SV2B: variants seen among roughly 807,000 people sequenced by gnomAD.
SV2B encodes synaptic vesicle glycoprotein 2B.
A neutral mutation model predicts 73.9 loss-of-function variants in SV2B; 41 were observed. The ratio of observed to expected loss-of-function variants is 0.56; its 90% CI spans 0.43 to 0.72. The LOEUF (loss-of-function observed/expected upper bound fraction) is 0.72. SV2B is among the 30% of genes least tolerant of loss of function. The pLI, the probability that SV2B is intolerant of heterozygous loss-of-function variation, is 0.00. For missense variants in SV2B, 764 were observed against 857.8 expected (o/e 0.89, Z 1.37); for synonymous variants, 314 against 314.2 (o/e 1.00, Z 0.01).
chr15:91,125,007 G>A (rs1297828766), intron 1 of SV2B, among the ~76,000 whole-genome samples: 1 of 152,286 alleles, frequency 6.6e-6, no homozygotes, highest in Non-Finnish European at 1.5e-5. Flanking sequence ...TCAGGGTGTG[G>A]TCAGTGTTGG....
At chr15:91,218,297 A>G (rs1050061462) in intron 1 of SV2B, among the ~76,000 whole-genome samples, 1 of 152,150 alleles carries the variant, frequency 6.6e-6, no homozygotes, top group African/African-American at 2.4e-5. Flanking sequence ...GTGTCTTCAG[A>G]GATAAGGATA....
At chr15:91,165,946 T>G (rs2043897339) in intron 1 of SV2B, among the ~76,000 whole-genome samples, 1 of 152,256 alleles carries the variant, frequency 6.6e-6, no homozygotes, top group Non-Finnish European at 1.5e-5. Context: ...TAAATATCTT[T>G]ATTTTGCCTT....
At chr15:91,180,094 A>G (rs2044489502) in intron 1 of SV2B, among the ~76,000 whole-genome samples, 1 of 151,960 alleles carries the variant, frequency 6.6e-6, no homozygotes, top group Non-Finnish European at 1.5e-5. Context: ...CCTGGTGGTG[A>G]CAAAATCTCT....
rs113788767 is a variant in SV2B, at chr15:91,281,050, C to T, written c.1374-678C>T. ...TACATGGTATTCCATTATATGGCATCTATTACATATGTATGTATGTAGTAA... is the reference window on the plus strand; with the variant it reads ...TACATGGTATTCCATTATATGGCATTTATTACATATGTATGTATGTAGTAA... On this transcript the variant is annotated intron_variant, in intron 9 of 12. Transcript: ENST00000394232. This position sits in a 1 kb window ranked among gnomAD's most constrained non-coding sequence, Gnocchi z 4.7. 7.9e-5 allele frequency among the ~76,000 whole-genome samples: 12 copies of T among 152,286 alleles called. No homozygotes were observed. Among genetic ancestry groups the T allele is most frequent in the African/African-American group, 2.9e-4 (12 of 41,558 alleles).
rs771212775 is a variant in SV2B, at chr15:91,267,165, G to A, written c.1120-390G>A. On this transcript the variant is annotated intron_variant, in intron 7 of 12. Coordinates refer to ENST00000394232, the MANE Select transcript of SV2B (RefSeq NM_001323032.3). This position sits in a 1 kb window ranked among gnomAD's most constrained non-coding sequence, Gnocchi z 4.3. ...GCACTGAGGCAGCCAGACAGCCAGC[G>A]TCTATTGGGACTGGTTGGCCTTCAT... Among the ~76,000 whole-genome samples the A allele has an allele frequency of 1.8e-4, 28 of 152,206 alleles. No individual in the cohort carries two copies. Among genetic ancestry groups the A allele is most frequent in the East Asian group, 3.9e-4 (2 of 5,194 alleles).
Position 91,227,384 on chromosome 15 carries a change from G to C in SV2B, c.451+670G>C, listed in dbSNP as rs1173311844. Among the ~76,000 whole-genome samples, 1 of 152,210 alleles carries C rather than the reference G, an allele frequency of 6.6e-6. No homozygotes were observed. The highest frequency in any genetic ancestry group is 1.5e-5 in the Non-Finnish European group (1 of 68,042). On this transcript the variant is annotated intron_variant, in intron 2 of 12. Transcript: ENST00000394232. This position sits in a 1 kb window ranked among gnomAD's most constrained non-coding sequence, Gnocchi z 4.5. ...AGCATCAGCATCAGGCTGAGGCAGA[G>C]AGGATTTGTGAAATTAGAGAGACGG...
chr15:91,189,660 T>C (rs927019482), intron 1 of SV2B, among the ~76,000 whole-genome samples: 1 of 152,232 alleles, frequency 6.6e-6, no homozygotes, highest in Non-Finnish European at 1.5e-5. Context: ...GAAAGAGTTT[T>C]AGATTTTCTC....
intron 2 of SV2B, among the ~76,000 whole-genome samples, chr15:91,249,103 CACACAT>C (rs1449580837): frequency 0.011 from 1,348 of 123,044 alleles, 8 homozygotes; most frequent in South Asian, 0.017. Flanking sequence ...CACACACACA[CACACAT>C]GTTTATGATC....
At chr15:91,237,193 T>A (rs1233519939) in intron 2 of SV2B, among the ~76,000 whole-genome samples, 2 of 152,190 alleles carry the variant, frequency 1.3e-5, no homozygotes, top group Non-Finnish European at 2.9e-5. Flanking sequence ...GTATGGGCAG[T>A]TCCTGACTTT....
At chr15:91,190,828 C>T (rs1259760007) in intron 1 of SV2B, among the ~76,000 whole-genome samples, 1 of 152,050 alleles carries the variant, frequency 6.6e-6, no homozygotes, top group African/African-American at 2.4e-5. Flanking sequence ...GGAAATATTA[C>T]AATCTCCAGC....
chr15:91,267,571 T>C lies in SV2B; in HGVS notation c.1136T>C (p.Leu379Pro). Residue 379 changes from leucine (L) to proline (P), a missense_variant, in exon 8 of 13, where the codon CTG (leucine) becomes CCG (proline). Physicochemically the swap from Leu to Pro is moderately conservative, Grantham distance 98 (BLOSUM62 -3). Coordinates refer to ENST00000394232, the MANE Select transcript of SV2B (RefSeq NM_001323032.3). The surrounding 1 kb of genome is among the most constrained non-coding windows in gnomAD (Gnocchi z 4.3). Reference sequence around the variant, plus strand: ...GGGTTGTAGGTCTGGGATAATGCCCTGTACTGTGTGATGGGGCCCTACAGA... The same window carrying C: ...GGGTTGTAGGTCTGGGATAATGCCCCGTACTGTGTGATGGGGCCCTACAGA... Reference protein sequence around the residue: ...TIFKQVWDNALYCVMGPYRMN... With the variant: ...TIFKQVWDNAPYCVMGPYRMN... 5 of 1,613,382 alleles carry C rather than the reference T, an allele frequency of 3.1e-6. No individual in the cohort carries two copies. Among genetic ancestry groups the C allele is most frequent in the Non-Finnish European group, 4.2e-6 (5 of 1,179,650 alleles).
rs78807881 is a variant in SV2B at position 91,220,471 on chromosome 15, G to A, written c.-391-5402G>A. Among the ~76,000 whole-genome samples the A allele has an allele frequency of 4.6e-3, 698 of 152,344 alleles. 10 individuals are homozygous for A. Among genetic ancestry groups the A allele is most frequent in the African/African-American group, 0.016 (672 of 41,578 alleles). ...GGAATTCTATTTTTCACTGAAAGGA[G>A]AATATTAAAAGCCTAATGCTCTACA... On this transcript the variant is annotated intron_variant, in intron 1 of 12. Transcript: ENST00000394232. The surrounding 1 kb of genome is among the most constrained non-coding windows in gnomAD (Gnocchi z 4.1).
chr15:91,194,438 T>C (rs1737837672), intron 1 of SV2B, among the ~76,000 whole-genome samples: 1 of 152,248 alleles, frequency 6.6e-6, no homozygotes, highest in Admixed American at 6.5e-5. Context: ...GTGAACATTC[T>C]TGTGTATGTC....
At chr15:91,260,561 A>G (rs1010785383) in intron 6 of SV2B, 152 bp downstream of exon 6, 2 of 594,910 alleles carry the variant, frequency 3.4e-6, no homozygotes, top group Non-Finnish European at 5.6e-6. Flanking sequence ...TATTCTTCAC[A>G]TTTTGATGGA....
chr15:91,181,932 T>C (rs1302076228), intron 1 of SV2B, among the ~76,000 whole-genome samples: 1 of 152,130 alleles, frequency 6.6e-6, no homozygotes, highest in East Asian at 1.9e-4. Flanking sequence ...TATAGATAGA[T>C]AGGTAGACAC....
rs933420624 is a variant in SV2B at position 91,288,482 on chromosome 15, A to C, written c.1709-1039A>C. ...AGTAACTGTAGTCACCGTGCTGTGT[A>C]GTAGATCTCGAAAAGTGAGATGATG... On this transcript the variant is annotated intron_variant, in intron 11 of 12. Transcript: ENST00000394232. The surrounding 1 kb of genome is among the most constrained non-coding windows in gnomAD (Gnocchi z 5.8). Among the ~76,000 whole-genome samples, 4 of 150,996 alleles carry C rather than the reference A, an allele frequency of 2.6e-5. No homozygotes were observed. The East Asian group carries it at 7.8e-4, about 29-fold the overall frequency.
chr15:91,114,683 A>G (rs898190581), intron 1 of SV2B, among the ~76,000 whole-genome samples: 2 of 152,156 alleles, frequency 1.3e-5, no homozygotes, highest in Non-Finnish European at 2.9e-5. Context: ...TTATGATGAG[A>G]ATCACTGTTT....
chr15:91,199,485 G>A lies in SV2B; in HGVS notation c.-391-26388G>A, dbSNP rs78191364. On this transcript the variant is annotated intron_variant, in intron 1 of 12. Transcript: ENST00000394232. ...TGCCTGGAGTGGGAGAGAATGGGTCGTGGGTTTCTGTTTGTTAAATGCCGC... is the reference window on the plus strand; with the variant it reads ...TGCCTGGAGTGGGAGAGAATGGGTCATGGGTTTCTGTTTGTTAAATGCCGC... 4.8e-3 allele frequency among the ~76,000 whole-genome samples: 731 copies of A among 152,308 alleles called. 1 individual carries two copies. Among genetic ancestry groups the A allele is most frequent in the South Asian group, 7.7e-3 (37 of 4,828 alleles).
At chr15:91,189,228 C>G (rs967960668) in intron 1 of SV2B, among the ~76,000 whole-genome samples, 2 of 151,904 alleles carry the variant, frequency 1.3e-5, no homozygotes, top group African/African-American at 4.8e-5. Context: ...ATAATTGGTC[C>G]TTGGAAAAAT....
Sources: allele counts gnomAD v4.1 joint callset (sites outside exome capture counted in the v4.1 genomes callset), GRCh38; gene constraint gnomAD v4.1.1; non-coding constraint Gnocchi (gnomAD v3.1); transcripts MANE v1.5; gene names NCBI Gene and HGNC (gene_info 2026-07-23, HGNC 2026-07-21).